Variants in ANO5 observed in about 807,000 individuals in gnomAD.
The protein encoded by ANO5 is anoctamin 5.
In ANO5, 109 loss-of-function variants were observed where a neutral mutation model predicts 121.0. The ratio of observed to expected loss-of-function variants is 0.90; its 90% CI spans 0.77 to 1.06. ANO5 has a LOEUF of 1.06. Among genes scored for constraint, ANO5 ranks in the 50% least tolerant of loss-of-function variants. ANO5 has a pLI of 0.00. For missense variants in ANO5, 1,064 were observed against 1,078.5 expected (o/e 0.99, Z 0.19); for synonymous variants, 406 against 359.9 (o/e 1.13, Z -1.45).
chr11:22,241,550 C>G (rs4297463), intron 9 of ANO5, among the ~76,000 whole-genome samples: 125,690 of 152,022 alleles, frequency 0.83, 52,501 homozygotes, highest in African/African-American at 0.93. Flanking sequence ...AATCTCACCA[C>G]CATCTGATAT....
intron 4 of ANO5, among the ~76,000 whole-genome samples, chr11:22,219,038 TG>T (rs1433507721): frequency 2.0e-5 from 3 of 152,112 alleles, no homozygotes; most frequent in African/African-American, 7.2e-5. Flanking sequence ...AAAAGCATGA[TG>T]TATGTTAGTA....
chr11:22,262,088 A>G (rs567317966), intron 15 of ANO5, 41 bp from the exon 16 acceptor site: 1 of 1,604,538 alleles, frequency 6.2e-7, no homozygotes, highest in Non-Finnish European at 8.5e-7. Flanking sequence ...TCAAGGAAAA[A>G]AATAAGAAGA....
At chr11:22,241,695 G>A (rs1211216471) in intron 9 of ANO5, among the ~76,000 whole-genome samples, 1 of 151,982 alleles carries the variant, frequency 6.6e-6, no homozygotes. Flanking sequence ...TGTATTTTGA[G>A]AAGTGTCTCT....
chr11:22,270,967 A>T (rs553987143), intron 18 of ANO5, among the ~76,000 whole-genome samples: 18 of 152,338 alleles, frequency 1.2e-4, no homozygotes, highest in Admixed American at 1.3e-4. Flanking sequence ...CTTGAGGAGC[A>T]GCTTTCAGAG....
Position 22,279,597 on chromosome 11 carries a change from A to G in ANO5, c.2574A>G (p.Pro858=). 6.2e-7 allele frequency: 1 copy of G among 1,613,004 alleles called. No individual in the cohort carries two copies. Among genetic ancestry groups the G allele is most frequent in the Non-Finnish European group, 8.5e-7 (1 of 1,179,196 alleles). ...TGGCCTGGATGATACCTGATGTTCC[A>G]AAAGATGTTGTGGAGAGAATCAAGA... The part of the protein sequence containing the change: ...FLLAWMIPDV[P]KDVVERIKRE... Residue 858 remains proline (P), a synonymous_variant, in exon 22 of 22, where the codon CCA becomes CCG. Transcript: ENST00000324559.
Position 22,259,537 on chromosome 11 carries a change from A to G in ANO5, c.1426A>G (p.Ser476Gly), listed in dbSNP as rs1280623803. ...VTLWMSLVVT[S>G]MVAVIVYRLS... is the part of the protein sequence containing the mutation. ...TTCCCAGATGTCTCTTGTCGTCACC[A>G]GTATGGTAGCTGTAATTGTGTACCG... The change falls in exon 15 of 22, where the codon AGT becomes GGT. Residue 476 changes from serine to glycine, a missense_variant. Transcript: ENST00000324559. The G allele has an allele frequency of 3.1e-6, 5 of 1,614,132 alleles. No homozygotes were observed. In the East Asian group the frequency reaches 8.9e-5, roughly 29 times the overall value.
At chr11:22,215,787 C>G (rs1178538855) in intron 3 of ANO5, among the ~76,000 whole-genome samples, 1 of 151,850 alleles carries the variant, frequency 6.6e-6, no homozygotes, top group Non-Finnish European at 1.5e-5. Flanking sequence ...TAGAAAATTT[C>G]CATTACCTCA....
intron 19 of ANO5, 141 bp from the exon 20 acceptor site, chr11:22,274,428 C>T: frequency 1.2e-6 from 1 of 806,862 alleles, no homozygotes; most frequent in South Asian, 2.1e-5. Context: ...AGGACAAAGA[C>T]TTGCATATTA....
At chr11:22,274,157 A>T (rs1564952363) in intron 19 of ANO5, among the ~76,000 whole-genome samples, 1 of 139,298 alleles carries the variant, frequency 7.2e-6, no homozygotes, top group Non-Finnish European at 1.5e-5. Context: ...TTTCCTGTTA[A>T]TCTCTTACAC....
intron 3 of ANO5, among the ~76,000 whole-genome samples, chr11:22,212,235 C>T (rs1852300875): frequency 6.6e-6 from 1 of 151,732 alleles, no homozygotes; most frequent in South Asian, 2.1e-4. Flanking sequence ...GAAGATTAGA[C>T]TTTATTAGCT....
At chr11:22,208,818 TA>T (rs945455889) in intron 2 of ANO5, among the ~76,000 whole-genome samples, 5 of 151,886 alleles carry the variant, frequency 3.3e-5, no homozygotes, top group Admixed American at 6.6e-5. Flanking sequence ...AATAAAAAGT[TA>T]AAAAAAGTGA....
At chr11:22,233,165 T>A (rs768502125) in intron 7 of ANO5, among the ~76,000 whole-genome samples, 2 of 151,644 alleles carry the variant, frequency 1.3e-5, no homozygotes, top group Non-Finnish European at 2.9e-5. Context: ...TGGAGCCAGG[T>A]GCTTAGGCTA....
intron 17 of ANO5, among the ~76,000 whole-genome samples, chr11:22,267,673 T>C (rs987839434): frequency 1.3e-5 from 2 of 151,966 alleles, no homozygotes; most frequent in African/African-American, 4.8e-5. Flanking sequence ...CACAAGTAAC[T>C]TGTGTCATGG....
chr11:22,255,504 AT>A lies in ANO5; in HGVS notation c.1316del (p.Leu439Ter). The A allele has an allele frequency of 6.2e-7, 1 of 1,613,426 alleles. No individual in the cohort carries two copies. Among genetic ancestry groups the A allele is most frequent in the Non-Finnish European group, 8.5e-7 (1 of 1,179,476 alleles). On this transcript the variant is annotated frameshift_variant, in exon 13 of 22. Coordinates refer to ENST00000324559, the MANE Select transcript of ANO5 (RefSeq NM_213599.3). LOFTEE classifies it high-confidence loss of function. ...TTGAAGCTATGTGTAAACACAGGAA[AT>A]TGAATGCAGTGACTAAGGTAGACTA... is the stretch of plus-strand genomic sequence containing the variant. ...EFEAMCKHRKLNAVTKEMEPY... is the reference protein window; with the variant it reads ...EFEAMCKHRKXNAVTKEMEPY...
chr11:22,278,506 C>T (rs1198101577), intron 21 of ANO5, among the ~76,000 whole-genome samples: 1 of 147,972 alleles, frequency 6.8e-6, no homozygotes, highest in African/African-American at 2.5e-5. Context: ...TCTTTTACTC[C>T]TTTCCTTATA....
intron 1 of ANO5, among the ~76,000 whole-genome samples, chr11:22,198,357 A>G (rs1851870791): frequency 6.6e-6 from 1 of 152,198 alleles, no homozygotes; most frequent in Non-Finnish European, 1.5e-5. Flanking sequence ...AATGTGAAAA[A>G]TAAGCAAGAG....
chr11:22,192,975 C>G (rs1373719095), upstream of ANO5: 1 of 984,618 alleles, frequency 1.0e-6, no homozygotes. Context: ...GGGGAGATGG[C>G]GGTCTCCGAG....
chr11:22,195,852 T>G (rs1361240581), intron 1 of ANO5, among the ~76,000 whole-genome samples: 1 of 152,190 alleles, frequency 6.6e-6, no homozygotes, highest in Non-Finnish European at 1.5e-5. Context: ...TACCGTATAT[T>G]TGATGGCTGG....
intron 17 of ANO5, among the ~76,000 whole-genome samples, chr11:22,267,523 TAA>T (rs1491323687): frequency 0.018 from 2,658 of 149,796 alleles, 128 homozygotes; most frequent in African/African-American, 0.062. Flanking sequence ...TATATATATA[TAA>T]AATCTATCTA....
Sources: allele counts gnomAD v4.1 joint callset (sites outside exome capture counted in the v4.1 genomes callset), GRCh38; gene constraint gnomAD v4.1.1; transcripts MANE v1.5; gene names NCBI Gene and HGNC (gene_info 2026-07-23, HGNC 2026-07-21).